Variants in TMEM260 observed in about 807,000 individuals in gnomAD.
TMEM260 encodes the protein protein O-mannosyl-transferase TMEM260.
Under a neutral mutation model 88.9 loss-of-function variants are expected in TMEM260, and 82 were observed. The ratio of observed to expected loss-of-function variants is 0.92; its 90% CI spans 0.77 to 1.11. The LOEUF (loss-of-function observed/expected upper bound fraction) is 1.11, where lower values mean the gene tolerates loss of function less well. TMEM260 is among the 50% of genes least tolerant of loss of function. The pLI, the probability that TMEM260 is intolerant of heterozygous loss-of-function variation, is 0.00. For missense variants in TMEM260, 902 were observed against 853.4 expected (o/e 1.06, Z -0.71); for synonymous variants, 314 against 309.3 (o/e 1.02, Z -0.16).
At chr14:56,602,517 G>A (rs1364192155) in intron 3 of TMEM260, among the ~76,000 whole-genome samples, 1 of 152,058 alleles carries the variant, frequency 6.6e-6, no homozygotes, top group Non-Finnish European at 1.5e-5. Context: ...TAAAGGATAT[G>A]TTTTAGGAAA....
At chr14:56,631,622 CAA>C (rs138991627) in intron 12 of TMEM260, among the ~76,000 whole-genome samples, 8 of 116,798 alleles carry the variant, frequency 6.8e-5, no homozygotes, top group Admixed American at 8.0e-5. Flanking sequence ...GACTCTGTCT[CAA>C]AAAAAAAAAA....
the TMEM260 span, among the ~76,000 whole-genome samples, chr14:56,660,300 G>T: frequency 4.6e-5 from 7 of 152,162 alleles, no homozygotes; most frequent in South Asian, 2.1e-4. Context: ...TATAACTTTG[G>T]TTTTGTCTGT....
chr14:56,632,642 G>T (rs1287042385), intron 12 of TMEM260, among the ~76,000 whole-genome samples: 1 of 152,022 alleles, frequency 6.6e-6, no homozygotes, highest in Non-Finnish European at 1.5e-5. Flanking sequence ...TGAGATGGGG[G>T]TCTTGCTGTG....
intron 3 of TMEM260, among the ~76,000 whole-genome samples, chr14:56,600,317 G>A (rs562070400): frequency 3.9e-5 from 6 of 152,174 alleles, no homozygotes; most frequent in African/African-American, 1.4e-4. Flanking sequence ...TTTATTTTCA[G>A]AATTTTTACA....
At position 56,633,172 on chromosome 14, in the gene TMEM260, G is replaced by T. The variant is rs1264696979; in HGVS notation, c.1724+1G>T. 1.2e-6 allele frequency: 2 copies of T among 1,607,906 alleles called. No homozygotes were observed. The highest frequency in any genetic ancestry group is 2.7e-5 in the African/African-American group (2 of 74,698). On this transcript the variant is annotated splice_donor_variant, in intron 13 of 15. Transcript: ENST00000261556. LOFTEE classifies it high-confidence loss of function. ...ATAACTGGACCGAAGAATATGGAAG[G>T]TATGAACAGCAGTTGTATTTTGATG... is the stretch of plus-strand genomic sequence containing the variant.
At chr14:56,590,994 A>T (rs1461668391) in intron 3 of TMEM260, among the ~76,000 whole-genome samples, 1 of 152,250 alleles carries the variant, frequency 6.6e-6, no homozygotes, top group African/African-American at 2.4e-5. Context: ...GGAAAGGGCT[A>T]CATAGGCTGA....
chr14:56,622,262 G>A (rs1263450991), intron 11 of TMEM260, among the ~76,000 whole-genome samples: 1 of 141,574 alleles, frequency 7.1e-6, no homozygotes, highest in East Asian at 2.1e-4. Flanking sequence ...AGAATGGTGT[G>A]AACCTGGGAG....
At chr14:56,658,844 C>T in the TMEM260 span, among the ~76,000 whole-genome samples, 1 of 152,120 alleles carries the variant, frequency 6.6e-6, no homozygotes, top group Admixed American at 6.5e-5. Context: ...GATTCTCCTG[C>T]CTCAGCCTCC....
At position 56,614,350 on chromosome 14, in the gene TMEM260, A is replaced by G. The variant is rs550521162; in HGVS notation, c.858-1594A>G. On this transcript the variant is annotated intron_variant, in intron 7 of 15. Transcript: ENST00000261556. ...AGCCACCTTCATGCCACTCCAGCCT[A>G]GGCAACAGAGTGAGACTCTGTCTCA... Among the ~76,000 whole-genome samples, 4 of 152,012 alleles carry G rather than the reference A, an allele frequency of 2.6e-5. No individual in the cohort carries two copies. In the East Asian group the frequency reaches 7.8e-4, roughly 30 times the overall value.
rs773849415 is a variant in TMEM260, at chr14:56,633,062, TG to T, written c.1617del (p.Trp539CysfsTer9). On this transcript the variant is annotated frameshift_variant, in exon 13 of 16. Coordinates refer to ENST00000261556, the MANE Select transcript of TMEM260 (RefSeq NM_017799.4). LOFTEE classifies it high-confidence loss of function. ...DPTWKKNYSL[W>X]PWGSCDKLVP... is the part of the protein sequence containing the mutation. ...AACCTGGAAAAAGAACTATTCACTT[TG>T]GCCATGGGGGTCTTGTGACAAATTA... The T allele has an allele frequency of 5.0e-5, 81 of 1,613,826 alleles. 1 individual carries two copies. The East Asian group carries it at 1.8e-3, about 36-fold the overall frequency.
chr14:56,588,714 T>TTATG (rs386381443), intron 3 of TMEM260, among the ~76,000 whole-genome samples: 3 of 151,590 alleles, frequency 2.0e-5, no homozygotes, highest in Non-Finnish European at 1.5e-5. Flanking sequence ...CTGTAAGTAT[T>TTATG]TATGTATTGT....
chr14:56,641,652 C>T (rs1008258857), intron 15 of TMEM260, among the ~76,000 whole-genome samples: 24 of 152,244 alleles, frequency 1.6e-4, no homozygotes, highest in Non-Finnish European at 1.2e-4. Context: ...CAGGATCAAA[C>T]TCACACATAA....
chr14:56,652,166 A>G (rs993014590), downstream of TMEM260, among the ~76,000 whole-genome samples: 14 of 152,128 alleles, frequency 9.2e-5, no homozygotes, highest in Non-Finnish European at 8.8e-5. Flanking sequence ...TAAGTGAATC[A>G]CCCATTACCC....
chr14:56,659,592 G>A, the TMEM260 span, among the ~76,000 whole-genome samples: 4 of 152,256 alleles, frequency 2.6e-5, no homozygotes, highest in East Asian at 1.9e-4. Context: ...CGGAGAGGCC[G>A]ATGGGATTAA....
At chr14:56,627,129 A>G (rs1174086596) in intron 12 of TMEM260, among the ~76,000 whole-genome samples, 1 of 152,142 alleles carries the variant, frequency 6.6e-6, no homozygotes, top group Admixed American at 6.5e-5. Flanking sequence ...CTTATAATAT[A>G]CAATTATGAT....
chr14:56,585,118 GATTA>G, intron 2 of TMEM260, 86 bp downstream of exon 2: 3 of 1,274,182 alleles, frequency 2.4e-6, no homozygotes, highest in Non-Finnish European at 3.3e-6. Context: ...GAGTAAAGTA[GATTA>G]ATTTATTTTC....
intron 15 of TMEM260, among the ~76,000 whole-genome samples, chr14:56,644,526 T>C (rs1027127579): frequency 1.3e-5 from 2 of 152,116 alleles, no homozygotes; most frequent in Admixed American, 6.6e-5. Flanking sequence ...AAGACTTACA[T>C]GTTAGACCTA....
At chr14:56,639,544 G>C (rs1003924713) in intron 15 of TMEM260, among the ~76,000 whole-genome samples, 1 of 152,154 alleles carries the variant, frequency 6.6e-6, no homozygotes, top group Non-Finnish European at 1.5e-5. Context: ...AATAGGAACA[G>C]CTCCAGTCTA....
At chr14:56,658,440 T>A in the TMEM260 span, among the ~76,000 whole-genome samples, 1 of 151,498 alleles carries the variant, frequency 6.6e-6, no homozygotes, top group African/African-American at 2.4e-5. Context: ...AGAGACGGGG[T>A]TTCACCATGT....
Sources: allele counts gnomAD v4.1 joint callset (sites outside exome capture counted in the v4.1 genomes callset), GRCh38; gene constraint gnomAD v4.1.1; transcripts MANE v1.5; gene names NCBI Gene and HGNC (gene_info 2026-07-23, HGNC 2026-07-21).